Variants in STK32B observed in about 807,000 individuals in gnomAD.
The protein encoded by STK32B is serine/threonine kinase 32B, also known as serine/threonine-protein kinase 32B.
STK32B carries 43 observed loss-of-function variants against 52.6 expected under a neutral mutation model. That is an observed-to-expected ratio of 0.82 (90% CI 0.64 to 1.05). STK32B has a LOEUF of 1.05. STK32B is among the 50% of genes least tolerant of loss of function. The probability of loss-of-function intolerance (pLI) is 0.00; values close to 1 mark genes in which losing one functional copy is unlikely to be tolerated. For synonymous variants in STK32B, 238 were observed against 204.3 expected (o/e 1.17, Z -1.41); for missense variants, 621 against 534.6 (o/e 1.16, Z -1.59).
chr4:5,489,927 A>G (rs1469030889), intron 11 of STK32B, among the ~76,000 whole-genome samples: 3 of 152,238 alleles, frequency 2.0e-5, no homozygotes, highest in African/African-American at 4.8e-5. Context: ...GTATATATAC[A>G]TAAATACATC....
chr4:5,433,054 A>T (rs1713731122), intron 6 of STK32B, among the ~76,000 whole-genome samples: 1 of 152,166 alleles, frequency 6.6e-6, no homozygotes. Flanking sequence ...TCTACTACTT[A>T]CAAGTCTCTC....
At chr4:5,331,958 A>G (rs543058624) in intron 4 of STK32B, among the ~76,000 whole-genome samples, 77 of 152,288 alleles carry the variant, frequency 5.1e-4, no homozygotes, top group Middle Eastern at 3.4e-3. Context: ...CTGGAACTCA[A>G]TGAGAGGCTT....
At chr4:5,288,135 A>G (rs1375417766) in intron 3 of STK32B, among the ~76,000 whole-genome samples, 1 of 152,188 alleles carries the variant, frequency 6.6e-6, no homozygotes, top group Non-Finnish European at 1.5e-5. Flanking sequence ...TGGATCTACC[A>G]TACTTTGTTT....
chr4:5,128,647 T>C lies in STK32B; in HGVS notation c.53-11258T>C, dbSNP rs937009857. On this transcript the variant is annotated intron_variant, in intron 1 of 11. Transcript: ENST00000282908. The stretch of plus-strand genomic sequence containing the variant: ...GGTTGCAGCTCAGCTTAGCAAATAC[T>C]GGCTGTCTACTTCGTACCAGGCAGT... 7.2e-5 allele frequency among the ~76,000 whole-genome samples: 11 copies of C among 152,336 alleles called. No homozygotes were observed. The East Asian group carries it at 1.5e-3, about 21-fold the overall frequency.
chr4:5,250,577 T>A (rs1446202008), intron 3 of STK32B, among the ~76,000 whole-genome samples: 2 of 152,162 alleles, frequency 1.3e-5, no homozygotes, highest in Admixed American at 1.3e-4. Context: ...CCTCCCAAAG[T>A]GCTAGGATTA....
chr4:5,038,738 G>A, the STK32B span, among the ~76,000 whole-genome samples: 1 of 151,874 alleles, frequency 6.6e-6, no homozygotes, highest in African/African-American at 2.4e-5. Context: ...GGATGAGTGA[G>A]TAGCTGGTGA....
rs571574574 is a variant in STK32B, at chr4:5,378,232, A to G, written c.435-19975A>G. 6.6e-6 allele frequency among the ~76,000 whole-genome samples: 1 copy of G among 152,296 alleles called. No homozygotes were observed. The highest frequency in any genetic ancestry group is 2.4e-5 in the African/African-American group (1 of 41,566). The stretch of plus-strand genomic sequence containing the variant: ...AGGCACTTTATGAAAGACAGACGTT[A>G]GAGGGGAGGGAAGACAGGCAAGGAG... On this transcript the variant is annotated intron_variant, in intron 4 of 11. Coordinates refer to ENST00000282908, the MANE Select transcript of STK32B (RefSeq NM_018401.3). The surrounding 1 kb of genome is among the most constrained non-coding windows in gnomAD (Gnocchi z 4.4).
chr4:5,404,264 G>C (rs1737503097), intron 5 of STK32B, among the ~76,000 whole-genome samples: 1 of 152,120 alleles, frequency 6.6e-6, no homozygotes, highest in South Asian at 2.1e-4. Context: ...GGGTGGGAAA[G>C]GCTCTTCTCC....
intron 2 of STK32B, among the ~76,000 whole-genome samples, chr4:5,144,206 A>G (rs746977753): frequency 1.3e-5 from 2 of 152,094 alleles, no homozygotes; most frequent in Non-Finnish European, 2.9e-5. Context: ...AAACTGGACA[A>G]ACAAGGATTC....
chr4:5,426,659 C>T (rs1270747246), intron 6 of STK32B, among the ~76,000 whole-genome samples: 6 of 121,240 alleles, frequency 4.9e-5, no homozygotes, highest in African/African-American at 1.6e-4. Context: ...CACTGCACTC[C>T]AGCCTGTGCA....
intron 1 of STK32B, among the ~76,000 whole-genome samples, chr4:5,113,192 T>C (rs1183060214): frequency 6.6e-6 from 1 of 152,134 alleles, no homozygotes; most frequent in Non-Finnish European, 1.5e-5. Flanking sequence ...ATGGGATTAG[T>C]GTCCTTATAA....
chr4:5,281,046 A>G (rs1015858539), intron 3 of STK32B, among the ~76,000 whole-genome samples: 14 of 152,288 alleles, frequency 9.2e-5, no homozygotes, highest in Admixed American at 6.5e-4. Flanking sequence ...ACTTACAGTC[A>G]TAGTGGAAGG....
intron 4 of STK32B, among the ~76,000 whole-genome samples, chr4:5,388,222 G>A (rs1736382899): frequency 6.6e-6 from 1 of 152,138 alleles, no homozygotes; most frequent in Non-Finnish European, 1.5e-5. Context: ...TGTGACAAAT[G>A]GTCATCATCA....
intron 3 of STK32B, among the ~76,000 whole-genome samples, chr4:5,262,682 G>A (rs1418933996): frequency 6.6e-6 from 1 of 151,472 alleles, no homozygotes; most frequent in African/African-American, 2.4e-5. Context: ...ACAATATATG[G>A]TTAAGTATTA....
intron 3 of STK32B, among the ~76,000 whole-genome samples, chr4:5,316,313 G>A (rs185273165): frequency 0.09 from 4,089 of 45,674 alleles, 299 homozygotes; most frequent in South Asian, 0.15. Context: ...TATATATATT[G>A]TATATTATAT....
intron 5 of STK32B, among the ~76,000 whole-genome samples, chr4:5,412,572 C>T (rs1051291857): frequency 6.6e-6 from 1 of 152,124 alleles, no homozygotes; most frequent in Non-Finnish European, 1.5e-5. Context: ...GAGAGTGGGA[C>T]GGGGAAAGCT....
chr4:5,300,243 A>G (rs1455760056), intron 3 of STK32B, among the ~76,000 whole-genome samples: 1 of 152,216 alleles, frequency 6.6e-6, no homozygotes, highest in Non-Finnish European at 1.5e-5. Context: ...CCTTCATGAT[A>G]AAAACCCTCA....
At chr4:5,101,236 C>G (rs1713769968) in intron 1 of STK32B, among the ~76,000 whole-genome samples, 2 of 152,158 alleles carry the variant, frequency 1.3e-5, no homozygotes, top group Non-Finnish European at 2.9e-5. Flanking sequence ...CTCAGAGATG[C>G]TGTCATTGCA....
At chr4:5,054,109 T>C (rs1051167113) in intron 1 of STK32B, among the ~76,000 whole-genome samples, 6 of 152,220 alleles carry the variant, frequency 3.9e-5, no homozygotes, top group African/African-American at 1.4e-4. Context: ...CGTTTCCTAG[T>C]ACAGGTAAAA....
Sources: gnomAD v4.1 joint callset for allele counts (sites outside exome capture counted in the v4.1 genomes callset) on GRCh38, gnomAD v4.1.1 for gene constraint, Gnocchi (gnomAD v3.1) non-coding constraint, MANE v1.5 for transcripts, NCBI Gene and HGNC (gene_info 2026-07-23, HGNC 2026-07-21) for gene names.